Variants in TRPC4AP observed in about 807,000 individuals in gnomAD.
The protein encoded by TRPC4AP is short transient receptor potential channel 4-associated protein.
In TRPC4AP, 45 loss-of-function variants were observed where a neutral mutation model predicts 99.0. That is an observed-to-expected ratio of 0.45 (90% CI 0.36 to 0.58). The LOEUF (loss-of-function observed/expected upper bound fraction) is 0.58, where lower values mean the gene tolerates loss of function less well. Among genes scored for constraint, TRPC4AP ranks in the 20% least tolerant of loss-of-function variants. The pLI is 0.00. For missense variants in TRPC4AP, 879 were observed against 985.3 expected (o/e 0.89, Z 1.44); for synonymous variants, 408 against 385.8 (o/e 1.06, Z -0.67).
chr20:35,037,460 T>C (rs1034405951), intron 7 of TRPC4AP, among the ~76,000 whole-genome samples: 5 of 152,022 alleles, frequency 3.3e-5, no homozygotes, highest in African/African-American at 9.7e-5. Flanking sequence ...CAAATATGTG[T>C]ACACACATGT....
Position 35,010,364 on chromosome 20 carries a change from G to A in TRPC4AP, c.1410-76C>T, listed in dbSNP as rs1449910458. On this transcript the variant is annotated intron_variant, in intron 11 of 18. Transcript: ENST00000252015. ...GGTCAGCACCAGGCTAGTGTAGGGA[G>A]TCTCCTGCCCACTTCCTGTGGACAG... 3.3e-6 allele frequency: 4 copies of A among 1,215,632 alleles called. No individual in the cohort carries two copies. In the East Asian group the frequency reaches 7.3e-5, roughly 22 times the overall value. The allele number at this position is 1,215,632 out of a possible 1,614,324, so 75.3% of individuals were successfully genotyped here.
intron 7 of TRPC4AP, among the ~76,000 whole-genome samples, chr20:35,035,961 A>T (rs561260640): frequency 6.6e-6 from 1 of 152,364 alleles, no homozygotes; most frequent in South Asian, 2.1e-4. Context: ...GAGAGAATAC[A>T]AACAATTCTC....
At chr20:35,028,358 C>T (rs533883362) in intron 8 of TRPC4AP, among the ~76,000 whole-genome samples, 4 of 152,156 alleles carry the variant, frequency 2.6e-5, no homozygotes, top group African/African-American at 9.6e-5. Context: ...TCCCAAAGGG[C>T]TGGGACTACA....
At chr20:35,068,860 A>G (rs1450351575) in intron 3 of TRPC4AP, among the ~76,000 whole-genome samples, 2 of 151,760 alleles carry the variant, frequency 1.3e-5, no homozygotes, top group Admixed American at 1.3e-4. Context: ...AAGAAGAAAG[A>G]AGGTACAGAA....
Position 35,050,080 on chromosome 20 carries a change from C to T in TRPC4AP, c.529-86G>A, listed in dbSNP as rs73273859. On this transcript the variant is annotated intron_variant, in intron 5 of 18. Transcript: ENST00000252015. ...GGCATCCTTTACAGACACTGAAAAGCAGTTTCACCTCTGAAAACTGGCATG... is the reference window on the plus strand; with the variant it reads ...GGCATCCTTTACAGACACTGAAAAGTAGTTTCACCTCTGAAAACTGGCATG... 12,345 of 1,430,442 alleles carry T rather than the reference C, an allele frequency of 8.6e-3. 862 individuals are homozygous for T. The African/African-American group carries it at 0.16, about 18-fold the overall frequency. 88.6% of individuals were successfully genotyped at this position (1,430,442 alleles called of 1,614,324 possible). A position where few individuals can be genotyped will look rare whatever the true frequency, so the allele number is the denominator to read the frequency against.
At chr20:35,077,876 T>C (rs368890640) in intron 2 of TRPC4AP, among the ~76,000 whole-genome samples, 170 bp downstream of exon 2, 4 of 152,076 alleles carry the variant, frequency 2.6e-5, no homozygotes, top group African/African-American at 9.6e-5. Context: ...GGATTATAGG[T>C]GATGTATATT....
rs1422482776 is a variant in TRPC4AP, at chr20:35,034,031, G to C, written c.1051+1092C>G. Among the ~76,000 whole-genome samples the C allele has an allele frequency of 3.8e-5, 2 of 53,030 alleles. 1 individual carries two copies. The highest frequency in any genetic ancestry group is 7.6e-5 in the Non-Finnish European group (2 of 26,228). 34.8% of individuals were successfully genotyped at this position (53,030 alleles called of 152,430 possible). A position where few individuals can be genotyped will look rare whatever the true frequency, so the allele number is the denominator to read the frequency against. ...GCGGTGGCGGGCGCCTGTAGTCCCA[G>C]CTACTCGGGAGGCTGAGGCAGGAGA... On this transcript the variant is annotated intron_variant, in intron 8 of 18. Coordinates refer to ENST00000252015, the MANE Select transcript of TRPC4AP (RefSeq NM_015638.3).
At chr20:35,054,134 A>C (rs1160685950) in intron 5 of TRPC4AP, among the ~76,000 whole-genome samples, 2 of 151,726 alleles carry the variant, frequency 1.3e-5, no homozygotes, top group Non-Finnish European at 2.9e-5. Flanking sequence ...GCATACACCC[A>C]CAAGATGTCA....
intron 7 of TRPC4AP, 52 bp from the exon 8 acceptor site, chr20:35,035,360 C>A: frequency 6.4e-7 from 1 of 1,573,670 alleles, no homozygotes; most frequent in South Asian, 1.2e-5. Context: ...ACCAGCAAAA[C>A]TACCCCTAAA....
At chr20:35,036,839 AG>A (rs2083330751) in intron 7 of TRPC4AP, among the ~76,000 whole-genome samples, 1 of 151,634 alleles carries the variant, frequency 6.6e-6, no homozygotes. Context: ...CCAGCTACTC[AG>A]GAGGCTGAGG....
At chr20:35,055,151 T>A in intron 4 of TRPC4AP, 120 bp from the exon 5 acceptor site, 2 of 842,548 alleles carry the variant, frequency 2.4e-6, no homozygotes, top group Non-Finnish European at 3.7e-6. Context: ...ATTTTTCCTT[T>A]AATATACTTC....
chr20:35,038,352 A>G (rs2083371570), intron 7 of TRPC4AP, among the ~76,000 whole-genome samples: 1 of 151,938 alleles, frequency 6.6e-6, no homozygotes, highest in African/African-American at 2.4e-5. Context: ...AAGGCTACAG[A>G]CAACACGGTG....
rs2083516348 is a variant in TRPC4AP, at chr20:35,044,583, T to C, written c.787A>G (p.Lys263Glu). ...GCATTTTTGGCAAGAAGCGTGTGCT[T>C]GTCATCATTCCCTGTATCCATCTCT... is the stretch of plus-strand genomic sequence containing the variant. The part of the protein sequence containing the change: ...ISEMDTGNDD[K>E]HTLLAKNAQQ... Residue 263 changes from lysine to glutamate, a missense_variant, in exon 7 of 19, where the codon AAG (lysine) becomes GAG (glutamate). By Grantham distance (56) the Lys-to-Glu change is moderately conservative. Around this residue, in one of 3 missense-constraint regions of TRPC4AP, gnomAD observed 603 missense variants for 631.8 expected, o/e 0.95. Transcript: ENST00000252015. The C allele has an allele frequency of 1.2e-6, 2 of 1,614,132 alleles. No individual in the cohort carries two copies. Among genetic ancestry groups the C allele is most frequent in the Non-Finnish European group, 1.7e-6 (2 of 1,180,018 alleles).
intron 3 of TRPC4AP, among the ~76,000 whole-genome samples, chr20:35,066,315 C>T (rs2145982883): frequency 6.6e-6 from 1 of 152,142 alleles, no homozygotes; most frequent in Non-Finnish European, 1.5e-5. Flanking sequence ...CCGTGTTGCC[C>T]AGGCTGGTCT....
intron 8 of TRPC4AP, among the ~76,000 whole-genome samples, chr20:35,029,412 ATC>A (rs1440391236): frequency 6.6e-6 from 1 of 152,134 alleles, no homozygotes; most frequent in Non-Finnish European, 1.5e-5. Flanking sequence ...CAATATAACA[ATC>A]TGTCTTTTGA....
chr20:35,034,432 C>T (rs980242695), intron 8 of TRPC4AP, among the ~76,000 whole-genome samples: 3 of 151,978 alleles, frequency 2.0e-5, no homozygotes, highest in Non-Finnish European at 2.9e-5. Context: ...GCTTCCACAC[C>T]GTGAGTACAG....
chr20:35,058,605 A>C (rs1438051938), intron 3 of TRPC4AP, among the ~76,000 whole-genome samples: 2 of 152,222 alleles, frequency 1.3e-5, no homozygotes, highest in East Asian at 1.9e-4. Flanking sequence ...AAGAAGGATG[A>C]AAATACCAAA....
intron 8 of TRPC4AP, among the ~76,000 whole-genome samples, chr20:35,023,134 G>T (rs1411074694): frequency 1.3e-5 from 2 of 152,156 alleles, no homozygotes; most frequent in African/African-American, 4.8e-5. Context: ...GCTGCTGAAT[G>T]AAGTGTGACT....
intron 8 of TRPC4AP, among the ~76,000 whole-genome samples, chr20:35,033,018 A>G (rs1277982896): frequency 6.6e-6 from 1 of 151,894 alleles, no homozygotes; most frequent in Non-Finnish European, 1.5e-5. Flanking sequence ...GCAACTAGGT[A>G]AAATCCTTTC....
Sources: gnomAD v4.1 joint callset for allele counts (sites outside exome capture counted in the v4.1 genomes callset) on GRCh38, gnomAD v4.1.1 for gene constraint, gnomAD v4.1.1 regional missense constraint, MANE v1.5 for transcripts, NCBI Gene and HGNC (gene_info 2026-07-23, HGNC 2026-07-21) for gene names.